Variants in NCK1 observed in about 807,000 individuals in gnomAD.
NCK1 encodes SH2/SH3 adapter protein NCK1.
Under a neutral mutation model 36.6 loss-of-function variants are expected in NCK1, and 19 were observed. The ratio of observed to expected loss-of-function variants is 0.52; its 90% CI spans 0.36 to 0.76. The LOEUF (loss-of-function observed/expected upper bound fraction) is 0.76. NCK1 is among the 30% of genes least tolerant of loss of function. The pLI is 0.00. For synonymous variants in NCK1, 165 were observed against 156.0 expected (o/e 1.06, Z -0.43); for missense variants, 358 against 445.6 (o/e 0.80, Z 1.77).
Position 136,951,067 on chromosome 3 carries a change from GC to G in NCK1, c.*2615del, listed in dbSNP as rs1223373417. On this transcript the variant is annotated 3_prime_UTR_variant, in exon 4 of 4. Coordinates refer to ENST00000481752, the MANE Select transcript of NCK1 (RefSeq NM_001291999.2). ...CAAATAATACTGCTAAACAAAATAG[GC>G]TTCATGCAATCTATTGCCATTGCTA... 1.3e-5 allele frequency among the ~76,000 whole-genome samples: 2 copies of G among 152,060 alleles called. No homozygotes were observed. The highest frequency in any genetic ancestry group is 2.9e-5 in the Non-Finnish European group (2 of 67,982).
At chr3:136,925,513 T>A (rs555019165) in intron 1 of NCK1, among the ~76,000 whole-genome samples, 127 of 152,308 alleles carry the variant, frequency 8.3e-4, no homozygotes, top group Non-Finnish European at 1.6e-3. Flanking sequence ...TCATACTTAC[T>A]TCCCTCCTGT....
At chr3:136,874,768 A>G (rs930518076) in intron 1 of NCK1, among the ~76,000 whole-genome samples, 5 of 151,354 alleles carry the variant, frequency 3.3e-5, no homozygotes, top group South Asian at 2.1e-4. Flanking sequence ...ATATCATACA[A>G]TAGATTCCTG....
At chr3:136,873,399 T>C (rs1938681704) in intron 1 of NCK1, among the ~76,000 whole-genome samples, 1 of 152,234 alleles carries the variant, frequency 6.6e-6, no homozygotes, top group Non-Finnish European at 1.5e-5. Flanking sequence ...ACCCAATTCC[T>C]GTACCCCCAT....
At chr3:136,936,646 T>TTTC (rs1156632064) in intron 2 of NCK1, among the ~76,000 whole-genome samples, 1 of 152,166 alleles carries the variant, frequency 6.6e-6, no homozygotes, top group Non-Finnish European at 1.5e-5. Context: ...CAACACCTAT[T>TTTC]TTCTTTCTTT....
rs1940948153 is a variant in NCK1, at chr3:136,950,652, C to T, written c.*2199C>T. 6.6e-6 allele frequency among the ~76,000 whole-genome samples: 1 copy of T among 152,056 alleles called. No homozygotes were observed. Among genetic ancestry groups the T allele is most frequent in the Admixed American group, 6.6e-5 (1 of 15,266 alleles). ...AAAACTCTACATAGCTAGATAGTAA[C>T]AATACTTGTATAAGAAACCAAGTTT... On this transcript the variant is annotated 3_prime_UTR_variant, in exon 4 of 4. Coordinates refer to ENST00000481752, the MANE Select transcript of NCK1 (RefSeq NM_001291999.2).
At chr3:136,869,012 C>T (rs371879871) in intron 1 of NCK1, among the ~76,000 whole-genome samples, 30 of 152,072 alleles carry the variant, frequency 2.0e-4, no homozygotes, top group Admixed American at 1.4e-3. Context: ...CTGAGGCATG[C>T]GGAGCCCCTG....
intron 2 of NCK1, 116 bp from the exon 3 acceptor site, chr3:136,945,467 A>C: frequency 4.6e-6 from 3 of 659,136 alleles, no homozygotes; most frequent in Non-Finnish European, 7.0e-6. Context: ...TGTTATATTT[A>C]AAAGCTTTAA....
chr3:136,915,377 A>G (rs1343762005), intron 1 of NCK1, among the ~76,000 whole-genome samples: 1 of 152,178 alleles, frequency 6.6e-6, no homozygotes, highest in African/African-American at 2.4e-5. Flanking sequence ...ACAGAAGCAC[A>G]AAGTATTGTA....
chr3:136,928,890 A>G (rs919632892), intron 2 of NCK1, among the ~76,000 whole-genome samples: 11 of 151,598 alleles, frequency 7.3e-5, no homozygotes, highest in African/African-American at 2.7e-4. Context: ...AAAAAATTAA[A>G]CTCTCCTTAG....
intron 1 of NCK1, among the ~76,000 whole-genome samples, chr3:136,867,771 C>A (rs538310540): frequency 2.6e-5 from 4 of 152,246 alleles, no homozygotes; most frequent in African/African-American, 9.6e-5. Context: ...GATCTTCTGA[C>A]GCAAGTTCTG....
At chr3:136,876,062 A>G (rs1433027854) in intron 1 of NCK1, among the ~76,000 whole-genome samples, 1 of 151,802 alleles carries the variant, frequency 6.6e-6, no homozygotes, top group Non-Finnish European at 1.5e-5. Context: ...TACTGGGTAC[A>G]TAACGAAATG....
In NCK1 at chr3:136,950,733, T is replaced by G. The variant is rs929945377; in HGVS notation, c.*2280T>G. ...ACACACTACTCTGTGTATGCTTGGT[T>G]TTAGACTAGGAGGAGAGTCCTGGGA... On this transcript the variant is annotated 3_prime_UTR_variant, in exon 4 of 4. Transcript: ENST00000481752. Among the ~76,000 whole-genome samples, 1 of 152,112 alleles carries G rather than the reference T, an allele frequency of 6.6e-6. No individual in the cohort carries two copies. Among genetic ancestry groups the G allele is most frequent in the Non-Finnish European group, 1.5e-5 (1 of 67,980 alleles).
intron 1 of NCK1, among the ~76,000 whole-genome samples, chr3:136,888,341 C>T (rs572042204): frequency 1.3e-5 from 2 of 152,248 alleles, no homozygotes; most frequent in East Asian, 3.9e-4. Flanking sequence ...ACAGTTCACT[C>T]ATTAAAAGTA....
chr3:136,946,346 AAAAAG>A (rs1940825351), intron 3 of NCK1, 51 bp downstream of exon 3: 10 of 1,466,918 alleles, frequency 6.8e-6, no homozygotes, highest in Non-Finnish European at 9.3e-6. Flanking sequence ...GTATTTTAAA[AAAAAG>A]AGAGAGAGAA....
intron 1 of NCK1, among the ~76,000 whole-genome samples, chr3:136,876,132 T>A (rs1440030376): frequency 1.3e-5 from 2 of 151,746 alleles, no homozygotes; most frequent in Non-Finnish European, 2.9e-5. Flanking sequence ...CATACCAGAA[T>A]CTCTGGGACG....
rs954009182 is a variant in NCK1, at chr3:136,936,647, T to A, written c.226+8420T>A. On this transcript the variant is annotated intron_variant, in intron 2 of 3. Transcript: ENST00000481752. Reference sequence around the variant, plus strand: ...CTCCATATCCTTGCCAACACCTATTTTCTTTCTTTCTTTGCTTATATCCAT... The same window carrying A: ...CTCCATATCCTTGCCAACACCTATTATCTTTCTTTCTTTGCTTATATCCAT... Among the ~76,000 whole-genome samples the A allele has an allele frequency of 2.6e-5, 4 of 152,180 alleles. No individual in the cohort carries two copies. The East Asian group carries it at 7.7e-4, about 29-fold the overall frequency.
At chr3:136,900,534 G>A (rs1162723861) in intron 1 of NCK1, among the ~76,000 whole-genome samples, 1 of 152,104 alleles carries the variant, frequency 6.6e-6, no homozygotes, top group Admixed American at 6.6e-5. Context: ...TCATTTTAAT[G>A]ATGTTAATTC....
intron 1 of NCK1, among the ~76,000 whole-genome samples, chr3:136,906,988 G>A (rs1249200197): frequency 6.6e-6 from 1 of 152,138 alleles, no homozygotes; most frequent in Non-Finnish European, 1.5e-5. Flanking sequence ...GGTAGGCAGG[G>A]GAGAGTGATC....
chr3:136,896,509 TATG>T (rs1171353249), intron 1 of NCK1, among the ~76,000 whole-genome samples: 1 of 152,200 alleles, frequency 6.6e-6, no homozygotes, highest in East Asian at 1.9e-4. Context: ...ATTGTGTATA[TATG>T]CCACATATGT....
Sources: gnomAD v4.1 joint callset for allele counts (sites outside exome capture counted in the v4.1 genomes callset) on GRCh38, gnomAD v4.1.1 for gene constraint, MANE v1.5 for transcripts, NCBI Gene and HGNC (gene_info 2026-07-23, HGNC 2026-07-21) for gene names.